The following LRFN2 variants were observed in gnomAD, a reference collection of about 807,000 sequenced individuals.
LRFN2 encodes the protein leucine-rich repeat and fibronectin type-III domain-containing protein 2.
Under a neutral mutation model 37.3 loss-of-function variants are expected in LRFN2, and 18 were observed. The ratio of observed to expected loss-of-function variants is 0.48; its 90% CI spans 0.33 to 0.72. LRFN2 has a LOEUF of 0.72. Ranked by LOEUF, LRFN2 falls within the 30% of genes least tolerant of loss-of-function variation. The pLI is 0.02. For synonymous variants in LRFN2, 556 were observed against 466.6 expected, an observed-to-expected ratio of 1.19 and a Z score of -2.47; for missense variants, 1,006 against 1,060.7, an observed-to-expected ratio of 0.95 and a Z score of 0.72.
chr6:40,527,150 A>G lies in LRFN2; in HGVS notation c.-19+59791T>C, dbSNP rs1267879308. Among the ~76,000 whole-genome samples the G allele has an allele frequency of 2.0e-5, 3 of 152,362 alleles. No homozygotes were observed. In the East Asian group the frequency reaches 5.8e-4, roughly 29 times the overall value. On this transcript the variant is annotated intron_variant, in intron 1 of 2. Transcript: ENST00000338305. ...TGGCATTTCACTCATCCTTGAAAGT[A>G]AAATGGAAATTGATCTTCTTTGCAC... is the stretch of plus-strand genomic sequence containing the variant.
chr6:40,466,783 T>A (rs1332773470), intron 1 of LRFN2, among the ~76,000 whole-genome samples: 2 of 152,150 alleles, frequency 1.3e-5, no homozygotes, highest in Non-Finnish European at 2.9e-5. Flanking sequence ...TGGCCAAAAT[T>A]CATAAGTATG....
intron 1 of LRFN2, among the ~76,000 whole-genome samples, chr6:40,540,129 C>T (rs555839595): frequency 1.3e-5 from 2 of 152,330 alleles, no homozygotes; most frequent in Admixed American, 6.5e-5. Context: ...AGCTCTCCCA[C>T]TGACTAGCTG....
At chr6:40,404,019 C>T (rs1762794157) in intron 2 of LRFN2, among the ~76,000 whole-genome samples, 1 of 152,320 alleles carries the variant, frequency 6.6e-6, no homozygotes, top group South Asian at 2.1e-4. Flanking sequence ...TGCCTGGATG[C>T]TCTTCCTCCA....
At chr6:40,556,224 T>A (rs1309317142) in intron 1 of LRFN2, among the ~76,000 whole-genome samples, 1 of 152,122 alleles carries the variant, frequency 6.6e-6, no homozygotes, top group Non-Finnish European at 1.5e-5. Context: ...CCACAGCCCC[T>A]CCTACACCTT....
chr6:40,434,131 T>C (rs1763584305), intron 1 of LRFN2, among the ~76,000 whole-genome samples: 1 of 152,238 alleles, frequency 6.6e-6, no homozygotes, highest in Non-Finnish European at 1.5e-5. Context: ...CTTTATAATT[T>C]GTTCTTTTGC....
At chr6:40,536,082 G>T (rs183998672) in intron 1 of LRFN2, among the ~76,000 whole-genome samples, 2 of 152,080 alleles carry the variant, frequency 1.3e-5, no homozygotes, top group African/African-American at 4.8e-5. Flanking sequence ...ACCAGTCACC[G>T]GAGGTTCTGC....
At chr6:40,446,829 T>TC (rs1197107546) in intron 1 of LRFN2, among the ~76,000 whole-genome samples, 8 of 152,288 alleles carry the variant, frequency 5.3e-5, no homozygotes, top group Admixed American at 2.0e-4. Flanking sequence ...GGGAGCTGTG[T>TC]CCCCCCTCAG....
intron 1 of LRFN2, among the ~76,000 whole-genome samples, chr6:40,552,728 AAAAGG>A (rs776289957): frequency 1.3e-5 from 2 of 152,232 alleles, no homozygotes; most frequent in Non-Finnish European, 2.9e-5. Flanking sequence ...AGATTTTTAG[AAAAGG>A]AAAGGAAGAA....
At position 40,587,135 on chromosome 6, in the gene LRFN2, A is replaced by G. The variant is rs982687347; in HGVS notation, c.-213T>C. 4 of 152,198 alleles carry G rather than the reference A, an allele frequency of 2.6e-5. No individual in the cohort carries two copies. The highest frequency in any genetic ancestry group is 9.7e-5 in the African/African-American group (4 of 41,448). 9.4% of individuals were successfully genotyped at this position (152,198 alleles called of 1,614,324 possible). ...GGGGAAAGCCCTGAGCCGCTTATTCAGTTATATCCATGGCATTTAGCAAGA... is the reference window on the plus strand; with the variant it reads ...GGGGAAAGCCCTGAGCCGCTTATTCGGTTATATCCATGGCATTTAGCAAGA... On this transcript the variant is annotated 5_prime_UTR_variant, in exon 1 of 3. Coordinates refer to ENST00000338305, the MANE Select transcript of LRFN2 (RefSeq NM_020737.3). The surrounding 1 kb of genome is among the most constrained non-coding windows in gnomAD (Gnocchi z 4.2).
At chr6:40,527,260 C>T (rs1470443290) in intron 1 of LRFN2, among the ~76,000 whole-genome samples, 3 of 152,202 alleles carry the variant, frequency 2.0e-5, no homozygotes, top group Admixed American at 1.3e-4. Flanking sequence ...CCTTCTCTAA[C>T]AATGCATTCC....
rs1581669220 is a variant in LRFN2 at position 40,391,935 on chromosome 6, A to T, written c.*8T>A. 2.0e-6 allele frequency: 3 copies of T among 1,505,296 alleles called. No homozygotes were observed. The African/African-American group carries it at 4.2e-5, about 21-fold the overall frequency. The allele number at this position is 1,505,296 out of a possible 1,614,324, so 93.2% of individuals were successfully genotyped here. ...TGCGCACAGGAAAGGGAGCATGCCC[A>T]CCCCCACCTAGACCGTGCTCTCCAT... On this transcript the variant is annotated 3_prime_UTR_variant, in exon 3 of 3. Coordinates refer to ENST00000338305, the MANE Select transcript of LRFN2 (RefSeq NM_020737.3).
intron 1 of LRFN2, among the ~76,000 whole-genome samples, chr6:40,568,631 A>C (rs182321640): frequency 6.6e-6 from 1 of 152,168 alleles, no homozygotes; most frequent in African/African-American, 2.4e-5. Context: ...CAGATGGCCA[A>C]TTCAAACCTG....
chr6:40,439,941 CCT>C (rs1384255953), intron 1 of LRFN2, among the ~76,000 whole-genome samples: 4 of 152,058 alleles, frequency 2.6e-5, no homozygotes, highest in South Asian at 4.2e-4. Context: ...CAGAGAATCC[CCT>C]GAGTGAGCCT....
chr6:40,566,469 G>C (rs1040287560), intron 1 of LRFN2, among the ~76,000 whole-genome samples: 1 of 152,152 alleles, frequency 6.6e-6, no homozygotes, highest in Non-Finnish European at 1.5e-5. Flanking sequence ...CAATAGCAAA[G>C]ACTTGGAACC....
chr6:40,586,570 C>T lies in LRFN2; in HGVS notation c.-19+371G>A, dbSNP rs1476929628. Among the ~76,000 whole-genome samples the T allele has an allele frequency of 2.6e-5, 4 of 152,106 alleles. No homozygotes were observed. In the East Asian group the frequency reaches 7.8e-4, roughly 30 times the overall value. On this transcript the variant is annotated intron_variant, in intron 1 of 2. Transcript: ENST00000338305. ...CAGCAATGGCTCTAGCCAGGCCTTG[C>T]ATGTGCGGAGATGCAACAGAGTGGT...
At position 40,515,892 on chromosome 6, in the gene LRFN2, C is replaced by CAAAAA. The variant is rs71543993; in HGVS notation, c.-19+71044_-19+71048dup. Among the ~76,000 whole-genome samples, 13 of 91,728 alleles carry CAAAAA rather than the reference C, an allele frequency of 1.4e-4. 1 individual carries two copies. Among genetic ancestry groups the CAAAAA allele is most frequent in the East Asian group, 3.4e-4 (1 of 2,940 alleles). 60.2% of individuals were successfully genotyped at this position (91,728 alleles called of 152,430 possible). A position where few individuals can be genotyped will look rare whatever the true frequency, so the allele number is the denominator to read the frequency against. On this transcript the variant is annotated intron_variant, in intron 1 of 2. Transcript: ENST00000338305. ...TGGGCAGCAGAGTGAGACTCCATAT[C>CAAAAA]AAAAAAAAAAAAAAAAAAAAAAGAA...
intron 1 of LRFN2, among the ~76,000 whole-genome samples, chr6:40,481,654 T>C (rs1296260919): frequency 1.3e-5 from 2 of 152,124 alleles, no homozygotes; most frequent in East Asian, 3.9e-4. Flanking sequence ...GACCAGGGAA[T>C]AGTCCACGAA....
intron 1 of LRFN2, among the ~76,000 whole-genome samples, chr6:40,560,817 T>G (rs925963921): frequency 3.9e-5 from 6 of 152,220 alleles, no homozygotes; most frequent in African/African-American, 1.2e-4. Context: ...ATGTTTCAAA[T>G]GTATTTAGTA....
At chr6:40,412,679 T>C (rs1762998849) in intron 2 of LRFN2, among the ~76,000 whole-genome samples, 1 of 152,142 alleles carries the variant, frequency 6.6e-6, no homozygotes, top group Non-Finnish European at 1.5e-5. Flanking sequence ...ATCCAAGAAA[T>C]GTTTGTGGAG....
Sources: gnomAD v4.1 joint callset for allele counts (sites outside exome capture counted in the v4.1 genomes callset) on GRCh38, gnomAD v4.1.1 for gene constraint, Gnocchi (gnomAD v3.1) non-coding constraint, MANE v1.5 for transcripts, NCBI Gene and HGNC (gene_info 2026-07-23, HGNC 2026-07-21) for gene names.